The following CDH19 variants were observed in gnomAD, a reference collection of about 807,000 sequenced individuals.
CDH19 encodes the protein cadherin 19.
A neutral mutation model predicts 64.2 loss-of-function variants in CDH19; 67 were observed. The ratio of observed to expected loss-of-function variants is 1.04; its 90% confidence interval spans 0.86 to 1.28. The LOEUF is 1.28. CDH19 is among the 50% of genes most tolerant of loss of function. CDH19 has a pLI of 0.00. For synonymous variants in CDH19, 346 were observed against 319.3 expected (o/e 1.08, Z -0.89); for missense variants, 1,030 against 929.0 (o/e 1.11, Z -1.41).
chr18:66,561,755 C>A (rs1444849648), intron 3 of CDH19, among the ~76,000 whole-genome samples: 1 of 151,976 alleles, frequency 6.6e-6, no homozygotes, highest in Non-Finnish European at 1.5e-5. Context: ...AAAAAAAATT[C>A]TCTTAGAATC....
intron 9 of CDH19, among the ~76,000 whole-genome samples, chr18:66,527,759 T>TAA (rs1874253878): frequency 6.6e-6 from 1 of 151,518 alleles, no homozygotes; most frequent in Admixed American, 6.6e-5. Flanking sequence ...CATCTATATA[T>TAA]ATATATAAAA....
intron 9 of CDH19, among the ~76,000 whole-genome samples, chr18:66,528,834 C>A (rs887493941): frequency 6.6e-6 from 1 of 151,650 alleles, no homozygotes; most frequent in Admixed American, 6.6e-5. Context: ...CCAAATGGTC[C>A]CTGACTAGCT....
intron 9 of CDH19, among the ~76,000 whole-genome samples, chr18:66,521,557 G>C (rs1246817627): frequency 7.2e-6 from 1 of 138,398 alleles, no homozygotes; most frequent in Non-Finnish European, 1.6e-5. Flanking sequence ...ATTTGTTTTT[G>C]AGACATGTCC....
chr18:66,551,926 G>C (rs1304554460), intron 4 of CDH19, among the ~76,000 whole-genome samples: 1 of 151,764 alleles, frequency 6.6e-6, no homozygotes, highest in African/African-American at 2.4e-5. Context: ...CTAAAGATTT[G>C]GGGAACACAT....
intron 9 of CDH19, among the ~76,000 whole-genome samples, chr18:66,525,195 T>C (rs1986173335): frequency 6.6e-6 from 1 of 152,166 alleles, no homozygotes; most frequent in Non-Finnish European, 1.5e-5. Flanking sequence ...CACTTAATAT[T>C]ATTGTTAAGA....
At chr18:66,536,226 A>G (rs991705557) in intron 7 of CDH19, among the ~76,000 whole-genome samples, 3 of 151,706 alleles carry the variant, frequency 2.0e-5, no homozygotes, top group African/African-American at 7.2e-5. Context: ...TACCATAATT[A>G]TATGGCAAAG....
chr18:66,556,085 T>C (rs1236527670), intron 3 of CDH19, among the ~76,000 whole-genome samples: 5 of 151,780 alleles, frequency 3.3e-5, no homozygotes, highest in Non-Finnish European at 5.9e-5. Flanking sequence ...ACTTTGATGA[T>C]AGAAATATGT....
chr18:66,577,995 G>A (rs1416870923), intron 1 of CDH19, among the ~76,000 whole-genome samples: 6 of 151,812 alleles, frequency 4.0e-5, no homozygotes, highest in Non-Finnish European at 8.8e-5. Context: ...TCTTTGTTGT[G>A]TTAAATTTAC....
rs1195104691 is a variant in CDH19 at position 66,597,161 on chromosome 18, T to TA, written c.-113+6792_-113+6793insT. Among the ~76,000 whole-genome samples the TA allele has an allele frequency of 3.0e-5, 2 of 65,712 alleles. 1 individual carries two copies. Among genetic ancestry groups the TA allele is most frequent in the Non-Finnish European group, 8.8e-5 (2 of 22,686 alleles). 43.1% of individuals were successfully genotyped at this position (65,712 alleles called of 152,430 possible). On this transcript the variant is annotated intron_variant, in intron 1 of 11. Coordinates refer to ENST00000262150, the MANE Select transcript of CDH19 (RefSeq NM_021153.4). The stretch of plus-strand genomic sequence containing the variant: ...CCCAAAGAGCCAAAGCAATCTTAAG[T>TA]TAAAAAAAAAAAAAAAAAGCTGGAA...
intron 9 of CDH19, among the ~76,000 whole-genome samples, chr18:66,523,544 T>C (rs971973879): frequency 6.9e-6 from 1 of 144,198 alleles, no homozygotes; most frequent in South Asian, 2.2e-4. Flanking sequence ...GGCTGGAGGA[T>C]AAATATGCAG....
chr18:66,537,148 A>G (rs1436301980), intron 7 of CDH19, among the ~76,000 whole-genome samples: 1 of 151,966 alleles, frequency 6.6e-6, no homozygotes, highest in Non-Finnish European at 1.5e-5. Flanking sequence ...ACTACAAACT[A>G]TAGTTGGATT....
intron 1 of CDH19, among the ~76,000 whole-genome samples, chr18:66,584,321 T>C (rs474961): frequency 0.62 from 94,079 of 151,904 alleles, 30,092 homozygotes; most frequent in African/African-American, 0.77. Context: ...TGAATGGCTA[T>C]TATGAAAAAC....
intron 8 of CDH19, chr18:66,532,277 A>AG (rs1986477579): frequency 7.2e-6 from 1 of 138,260 alleles, no homozygotes; most frequent in African/African-American, 3.1e-5. Context: ...TCTCTTTTTC[A>AG]TAAAAAAAAA....
At chr18:66,602,912 C>T (rs973594302) in intron 1 of CDH19, among the ~76,000 whole-genome samples, 4 of 151,386 alleles carry the variant, frequency 2.6e-5, no homozygotes, top group Admixed American at 2.0e-4. Flanking sequence ...AGTAGGCATA[C>T]TGCTGATAAT....
chr18:66,506,685 G>A (rs191168761), intron 11 of CDH19, among the ~76,000 whole-genome samples: 26 of 152,018 alleles, frequency 1.7e-4, no homozygotes, highest in Non-Finnish European at 3.4e-4. Context: ...GTCTGTGTGT[G>A]TGTGTGTCTT....
intron 1 of CDH19, among the ~76,000 whole-genome samples, chr18:66,599,307 G>A (rs1055783531): frequency 2.0e-5 from 3 of 151,894 alleles, no homozygotes; most frequent in Non-Finnish European, 4.4e-5. Context: ...CAGCCAGCAC[G>A]GAAAGAGAAA....
intron 3 of CDH19, among the ~76,000 whole-genome samples, chr18:66,558,714 G>T (rs1004785532): frequency 1.3e-5 from 2 of 152,030 alleles, no homozygotes; most frequent in Non-Finnish European, 2.9e-5. Context: ...ATATTACTAT[G>T]AAACCAATAA....
intron 5 of CDH19, among the ~76,000 whole-genome samples, chr18:66,545,500 G>A (rs1287989066): frequency 6.8e-6 from 1 of 147,670 alleles, no homozygotes; most frequent in Non-Finnish European, 1.5e-5. Flanking sequence ...TCTCCTATTT[G>A]AGCATCTATC....
intron 1 of CDH19, among the ~76,000 whole-genome samples, chr18:66,589,764 CCTTT>C (rs1389976221): frequency 1.3e-5 from 2 of 151,702 alleles, no homozygotes; most frequent in Admixed American, 1.3e-4. Context: ...TGTTAATTTG[CCTTT>C]CTTTATGTAT....
Sources: gnomAD v4.1 joint callset for allele counts (sites outside exome capture counted in the v4.1 genomes callset) on GRCh38, gnomAD v4.1.1 for gene constraint, MANE v1.5 for transcripts, NCBI Gene and HGNC (gene_info 2026-07-23, HGNC 2026-07-21) for gene names.